Variants in LRRC7 observed in about 807,000 individuals in gnomAD.
LRRC7 encodes leucine-rich repeat-containing protein 7.
A neutral mutation model predicts 175.7 loss-of-function variants in LRRC7; 23 were observed. That is an observed-to-expected ratio of 0.13 (90% CI 0.09 to 0.19). The LOEUF (loss-of-function observed/expected upper bound fraction) is 0.19. Ranked by LOEUF, LRRC7 falls within the 10% of genes least tolerant of loss-of-function variation. The pLI is 1.00. For synonymous variants in LRRC7, 685 were observed against 680.9 expected (o/e 1.01, Z -0.09); for missense variants, 1,354 against 1,904.7 (o/e 0.71, Z 5.38).
At chr1:69,915,156 A>C (rs1018522205) in intron 7 of LRRC7, among the ~76,000 whole-genome samples, 8 of 152,174 alleles carry the variant, frequency 5.3e-5, no homozygotes, top group African/African-American at 1.9e-4. Context: ...CATAAGGCCA[A>C]ATGGCAAAAC....
At chr1:70,052,970 A>G in intron 22 of LRRC7, 56 bp from the exon 23 acceptor site, 2 of 1,480,542 alleles carry the variant, frequency 1.4e-6, no homozygotes, top group Non-Finnish European at 1.8e-6. Context: ...CTTTTCAGAA[A>G]ACTATGGTAA....
intron 8 of LRRC7, among the ~76,000 whole-genome samples, chr1:69,952,997 C>CAAAAA (rs61277479): frequency 5.3e-5 from 3 of 56,978 alleles, no homozygotes; most frequent in East Asian, 5.4e-4. Flanking sequence ...AGAGACAAGG[C>CAAAAA]AAAAAAAAAA....
chr1:70,026,502 G>A (rs543054879), intron 17 of LRRC7, among the ~76,000 whole-genome samples: 23 of 152,184 alleles, frequency 1.5e-4, no homozygotes, highest in Non-Finnish European at 2.9e-4. Flanking sequence ...ACTTTGTCTA[G>A]TAGTCATATC....
chr1:69,753,744 A>G (rs1557684432), intron 2 of LRRC7, among the ~76,000 whole-genome samples: 2 of 152,086 alleles, frequency 1.3e-5, no homozygotes, highest in Non-Finnish European at 2.9e-5. Flanking sequence ...TGAACAGTCT[A>G]GGCATGCTCT....
At chr1:69,984,580 G>A (rs761976140) in intron 9 of LRRC7, among the ~76,000 whole-genome samples, 8 of 152,000 alleles carry the variant, frequency 5.3e-5, no homozygotes, top group African/African-American at 7.2e-5. Flanking sequence ...TCCGTGTCCC[G>A]CCCACATGTT....
intron 1 of LRRC7, among the ~76,000 whole-genome samples, chr1:69,576,982 AC>A (rs1645978082): frequency 6.6e-6 from 1 of 152,128 alleles, no homozygotes; most frequent in South Asian, 2.1e-4. Context: ...TTATTTACAC[AC>A]GTAATATAAG....
intron 25 of LRRC7, among the ~76,000 whole-genome samples, chr1:70,090,731 C>G (rs544879291): frequency 5.3e-5 from 8 of 151,976 alleles, no homozygotes; most frequent in Non-Finnish European, 1.0e-4. Context: ...CTGTACTTAC[C>G]TTTGAGTCAC....
At chr1:69,655,366 T>C (rs1411249449) in intron 1 of LRRC7, among the ~76,000 whole-genome samples, 1 of 151,690 alleles carries the variant, frequency 6.6e-6, no homozygotes, top group Non-Finnish European at 1.5e-5. Flanking sequence ...TCTTGTAGTT[T>C]TCTGCCTAGC....
intron 2 of LRRC7, among the ~76,000 whole-genome samples, chr1:69,711,925 A>G (rs994682278): frequency 4.6e-5 from 7 of 152,276 alleles, no homozygotes; most frequent in African/African-American, 1.7e-4. Context: ...CAGGAAGTAT[A>G]TGCTGGTGAG....
intron 25 of LRRC7, among the ~76,000 whole-genome samples, chr1:70,102,397 T>C (rs926976092): frequency 3.9e-5 from 6 of 152,206 alleles, no homozygotes; most frequent in Admixed American, 2.6e-4. Context: ...AATATTGTCC[T>C]TTCAATATAC....
intron 3 of LRRC7, among the ~76,000 whole-genome samples, chr1:69,776,155 A>G (rs1461090665): frequency 6.6e-6 from 1 of 152,282 alleles, no homozygotes; most frequent in African/African-American, 2.4e-5. Flanking sequence ...ACTGGAGAAT[A>G]TAGCATCTAC....
intron 7 of LRRC7, among the ~76,000 whole-genome samples, chr1:69,878,277 A>AAG (rs1557841930): frequency 4.1e-5 from 2 of 49,018 alleles, no homozygotes; most frequent in East Asian, 2.0e-3. Flanking sequence ...CTTATCTTAG[A>AAG]AAAAAAAAAA....
intron 8 of LRRC7, among the ~76,000 whole-genome samples, chr1:69,977,981 C>G (rs969564361): frequency 1.3e-5 from 2 of 151,994 alleles, no homozygotes; most frequent in Non-Finnish European, 2.9e-5. Flanking sequence ...TGAACCTTGC[C>G]CAGTGGGCAG....
chr1:69,794,143 A>C (rs544547270), intron 4 of LRRC7, among the ~76,000 whole-genome samples: 1 of 152,336 alleles, frequency 6.6e-6, no homozygotes, highest in South Asian at 2.1e-4. Context: ...TAGCATCTGA[A>C]TAAAGAGAGT....
At chr1:69,764,666 G>T (rs755417759) in intron 3 of LRRC7, among the ~76,000 whole-genome samples, 1 of 151,578 alleles carries the variant, frequency 6.6e-6, no homozygotes, top group Non-Finnish European at 1.5e-5. Flanking sequence ...AGTAAAACTC[G>T]GGAAGTAACA....
chr1:70,024,025 T>C (rs1657812725), intron 17 of LRRC7, among the ~76,000 whole-genome samples: 1 of 152,086 alleles, frequency 6.6e-6, no homozygotes, highest in African/African-American at 2.4e-5. Context: ...GAAAGAACAC[T>C]GCATGTCTTG....
chr1:69,792,223 C>T, intron 4 of LRRC7, 63 bp downstream of exon 4: 1 of 877,672 alleles, frequency 1.1e-6, no homozygotes, highest in South Asian at 1.5e-5. Context: ...GCTTTAATAT[C>T]TTCTCTTAGC....
chr1:70,120,865 A>G (rs1456358315), intron 26 of LRRC7, among the ~76,000 whole-genome samples: 1 of 152,076 alleles, frequency 6.6e-6, no homozygotes, highest in East Asian at 1.9e-4. Flanking sequence ...TCAAGTTTCA[A>G]TAAGGTTGTA....
At chr1:70,019,276 A>G (rs1657236186) in intron 15 of LRRC7, among the ~76,000 whole-genome samples, 1 of 152,070 alleles carries the variant, frequency 6.6e-6, no homozygotes, top group Non-Finnish European at 1.5e-5. Flanking sequence ...TAAGTCAACC[A>G]TAAATAGATA....
Sources: gnomAD v4.1 joint callset for allele counts (sites outside exome capture counted in the v4.1 genomes callset) on GRCh38, gnomAD v4.1.1 for gene constraint, MANE v1.5 for transcripts, NCBI Gene and HGNC (gene_info 2026-07-23, HGNC 2026-07-21) for gene names.